Variants in F10 observed in about 807,000 individuals in gnomAD.
F10 encodes the protein Stuart-Prower factor.
Under a neutral mutation model 37.1 loss-of-function variants are expected in F10, and 29 were observed. The observed-to-expected ratio is 0.78, with a 90% confidence interval of 0.58 to 1.07. F10 has a LOEUF of 1.07. Among genes scored for constraint, F10 ranks in the 50% least tolerant of loss-of-function variants. The pLI is 0.00. For missense variants in F10, 539 were observed against 667.9 expected, an observed-to-expected ratio of 0.81 and a Z score of 2.13; for synonymous variants, 262 against 268.6, an observed-to-expected ratio of 0.98 and a Z score of 0.24.
At position 113,144,104 on chromosome 13, in the gene F10, A is replaced by G. The variant is rs751681805; in HGVS notation, c.747+9A>G. 3.5e-5 allele frequency: 56 copies of G among 1,613,546 alleles called. No individual in the cohort carries two copies. The South Asian group carries it at 5.4e-4, about 16-fold the overall frequency. On this transcript the variant is annotated intron_variant, in intron 6 of 7. Coordinates refer to ENST00000375559, the MANE Select transcript of F10 (RefSeq NM_000504.4). This position sits in a 1 kb window ranked among gnomAD's most constrained non-coding sequence, Gnocchi z 6.4. The stretch of plus-strand genomic sequence containing the variant: ...GGGAGTGTCCCTGGCAGGTAACAGT[A>G]GGATGTCCCCTCGGGCCTGCTGGAG...
At position 113,149,216 on chromosome 13, in the gene F10, G is replaced by C; in HGVS notation, c.1166G>C (p.Ser389Thr). Residue 389 changes from serine (S) to threonine (T), a missense_variant, in exon 8 of 8, where the codon AGC becomes ACC. Transcript: ENST00000375559. The surrounding 1 kb of genome is among the most constrained non-coding windows in gnomAD (Gnocchi z 7.5). The part of the protein sequence containing the change: ...MLEVPYVDRN[S>T]CKLSSSFIIT... ...GAGGTGCCCTACGTGGACCGCAACAGCTGCAAGCTGTCCAGCAGCTTCATC... is the reference window on the plus strand; with the variant it reads ...GAGGTGCCCTACGTGGACCGCAACACCTGCAAGCTGTCCAGCAGCTTCATC... 1 of 1,613,062 alleles carries C rather than the reference G, an allele frequency of 6.2e-7. No homozygotes were observed. Among genetic ancestry groups the C allele is most frequent in the Non-Finnish European group, 8.5e-7 (1 of 1,180,002 alleles).
At chr13:113,148,423 AAT>A (rs1394943315) in intron 7 of F10, among the ~76,000 whole-genome samples, 1 of 148,890 alleles carries the variant, frequency 6.7e-6, no homozygotes, top group African/African-American at 2.5e-5. Context: ...CAATTTCCAT[AAT>A]ATATCTTATT....
intron 1 of F10, among the ~76,000 whole-genome samples, chr13:113,125,886 G>T (rs931994820): frequency 7.9e-5 from 12 of 152,198 alleles, no homozygotes; most frequent in African/African-American, 2.9e-4. Context: ...GAGGGGTTGG[G>T]TGCTAGAAGA....
In F10 at chr13:113,140,439, A is replaced by C. The variant is rs1219895647; in HGVS notation, c.371-480A>C. ...GATTACTTTTGAGTTTTCCCTGATG[A>C]GAATATCAATTACGCATCATTCCAT... On this transcript the variant is annotated intron_variant, in intron 4 of 7. Coordinates refer to ENST00000375559, the MANE Select transcript of F10 (RefSeq NM_000504.4). 28 of 452,698 alleles carry C rather than the reference A, an allele frequency of 6.2e-5. No individual in the cohort carries two copies. In the Admixed American group the frequency reaches 6.7e-4, roughly 11 times the overall value. The allele number at this position is 452,698 out of a possible 1,614,324, so 28.0% of individuals were successfully genotyped here.
chr13:113,149,061 C>T lies in F10; in HGVS notation c.1011C>T (p.Asn337=), dbSNP rs763538411. Reference sequence around the variant, plus strand: ...AGACCCCCATCACCTTCCGCATGAACGTGGCGCCTGCCTGCCTCCCCGAGC... The same window carrying T: ...AGACCCCCATCACCTTCCGCATGAATGTGGCGCCTGCCTGCCTCCCCGAGC... ...RLKTPITFRM[N]VAPACLPERD... The change falls in exon 8 of 8, where the codon AAC becomes AAT. Residue 337 remains asparagine (N), a synonymous_variant. Transcript: ENST00000375559. The surrounding 1 kb of genome is among the most constrained non-coding windows in gnomAD (Gnocchi z 7.5). 19 of 1,613,256 alleles carry T rather than the reference C, an allele frequency of 1.2e-5. No homozygotes were observed. The highest frequency in any genetic ancestry group is 2.7e-5 in the African/African-American group (2 of 74,920).
intron 1 of F10, among the ~76,000 whole-genome samples, chr13:113,125,245 T>G (rs776053375): frequency 1.3e-5 from 2 of 152,210 alleles, no homozygotes; most frequent in Non-Finnish European, 2.9e-5. Flanking sequence ...GTGCCAGCCT[T>G]TAAACTACTG....
chr13:113,139,246 G>A lies in F10; in HGVS notation c.257-111G>A. 2 of 825,144 alleles carry A rather than the reference G, an allele frequency of 2.4e-6. No individual in the cohort carries two copies. Among genetic ancestry groups the A allele is most frequent in the African/African-American group, 1.7e-5 (1 of 59,160 alleles). The allele number at this position is 825,144 out of a possible 1,614,324, so 51.1% of individuals were successfully genotyped here. A position where few individuals can be genotyped will look rare whatever the true frequency, so the allele number is the denominator to read the frequency against. Reference sequence around the variant, plus strand: ...GGGGGAGTTGTTTACAGAGAAACCGGAAGACTCTTCCAGTTATCTGAACGG... The same window carrying A: ...GGGGGAGTTGTTTACAGAGAAACCGAAAGACTCTTCCAGTTATCTGAACGG... On this transcript the variant is annotated intron_variant, in intron 3 of 7. Transcript: ENST00000375559. This position sits in a 1 kb window ranked among gnomAD's most constrained non-coding sequence, Gnocchi z 5.2.
In F10 at chr13:113,139,612, T is replaced by C; in HGVS notation, c.370+142T>C. 2.8e-6 allele frequency: 2 copies of C among 721,760 alleles called. No homozygotes were observed. The highest frequency in any genetic ancestry group is 4.9e-6 in the Non-Finnish European group (2 of 410,182). 44.7% of individuals were successfully genotyped at this position (721,760 alleles called of 1,614,324 possible). A position where few individuals can be genotyped will look rare whatever the true frequency, so the allele number is the denominator to read the frequency against. On this transcript the variant is annotated intron_variant, in intron 4 of 7. Coordinates refer to ENST00000375559, the MANE Select transcript of F10 (RefSeq NM_000504.4). The surrounding 1 kb of genome is among the most constrained non-coding windows in gnomAD (Gnocchi z 5.2). ...AGTCTGGGCTCTATTATACCTATTA[T>C]ACTGTGCCACTATAGCAATAGAAAA...
At chr13:113,147,531 G>C in intron 7 of F10, 35 bp downstream of exon 7, 1 of 1,239,446 alleles carries the variant, frequency 8.1e-7, no homozygotes, top group Non-Finnish European at 1.2e-6. Flanking sequence ...CCGTGGTGAG[G>C]GGCACCGTCA....
chr13:113,128,299 C>T (rs1192381119), intron 1 of F10: 1 of 152,118 alleles, frequency 6.6e-6, no homozygotes, highest in African/African-American at 2.4e-5. Context: ...CATACAGACA[C>T]CAATCAATAA....
Position 113,139,432 on chromosome 13 carries a change from C to T in F10, c.332C>T (p.Thr111Ile). 2 of 1,613,936 alleles carry T rather than the reference C, an allele frequency of 1.2e-6. No homozygotes were observed. The highest frequency in any genetic ancestry group is 1.7e-6 in the Non-Finnish European group (2 of 1,179,870). The change falls in exon 4 of 8, where the codon ACC (threonine) becomes ATC (isoleucine). Residue 111 changes from threonine to isoleucine, a missense_variant. Thr to Ile is a moderately conservative substitution (Grantham distance 89, BLOSUM62 -1). Around this residue, in one of 2 missense-constraint regions of F10, gnomAD observed 409 missense variants for 547.9 expected, o/e 0.75. Coordinates refer to ENST00000375559, the MANE Select transcript of F10 (RefSeq NM_000504.4). This position sits in a 1 kb window ranked among gnomAD's most constrained non-coding sequence, Gnocchi z 5.2. ...GACGGCCTCGGGGAATACACCTGCA[C>T]CTGTTTAGAAGGATTCGAAGGCAAA... Reference protein sequence around the residue: ...CKDGLGEYTCTCLEGFEGKNC... With the variant: ...CKDGLGEYTCICLEGFEGKNC...
intron 1 of F10, among the ~76,000 whole-genome samples, chr13:113,127,934 G>T (rs2036385787): frequency 6.6e-6 from 1 of 152,198 alleles, no homozygotes; most frequent in African/African-American, 2.4e-5. Context: ...AAGGAAGGGG[G>T]CTTGGGTGGC....
intron 2 of F10, chr13:113,129,885 T>C: frequency 2.0e-6 from 1 of 494,424 alleles, no homozygotes; most frequent in East Asian, 3.8e-5. Context: ...CTGCCAGAGT[T>C]AAGTTCTATT....
At chr13:113,135,135 C>T (rs746114839) in intron 2 of F10, among the ~76,000 whole-genome samples, 8 of 151,488 alleles carry the variant, frequency 5.3e-5, no homozygotes, top group South Asian at 2.1e-4. Context: ...CCCAGCTACT[C>T]GGGAGGCTGA....
intron 2 of F10, among the ~76,000 whole-genome samples, chr13:113,138,206 A>G (rs2036496737): frequency 6.6e-6 from 1 of 152,238 alleles, no homozygotes; most frequent in African/African-American, 2.4e-5. Context: ...CTAGGTAATT[A>G]ACTTGAAAAT....
At chr13:113,142,942 AAAAAGTTC>A (rs935965419) in intron 5 of F10, among the ~76,000 whole-genome samples, 5 of 152,312 alleles carry the variant, frequency 3.3e-5, no homozygotes, top group African/African-American at 9.6e-5. Flanking sequence ...CAAAAAAAAA[AAAAAGTTC>A]AGTTCCAAAT....
chr13:113,143,700 C>CTA lies in F10; in HGVS notation c.503-151_503-150insTA. 8.7e-7 allele frequency: 1 copy of CTA among 1,143,906 alleles called. No individual in the cohort carries two copies. The allele number at this position is 1,143,906 out of a possible 1,614,324, so 70.9% of individuals were successfully genotyped here. ...CTGCAGATCCGACCCCTGCCGACGACGTGGGGCCTCGCCCTGCAAGCCCGC... is the reference window on the plus strand; with the variant it reads ...CTGCAGATCCGACCCCTGCCGACGACTAGTGGGGCCTCGCCCTGCAAGCCCGC... On this transcript the variant is annotated intron_variant, in intron 5 of 7. Transcript: ENST00000375559. This position sits in a 1 kb window ranked among gnomAD's most constrained non-coding sequence, Gnocchi z 6.8.
intron 4 of F10, chr13:113,140,659 G>T: frequency 3.0e-6 from 2 of 665,350 alleles, no homozygotes; most frequent in South Asian, 1.5e-5. Context: ...TGGGGCAGGG[G>T]GTACCGGCCA....
chr13:113,146,883 G>C lies in F10; in HGVS notation c.748-496G>C, dbSNP rs2036587317. ...GTGTTCCAAGTCCTGGCAGGTAGGAGACCCTTCACAGGAGCTGCCACAGGG... is the reference window on the plus strand; with the variant it reads ...GTGTTCCAAGTCCTGGCAGGTAGGACACCCTTCACAGGAGCTGCCACAGGG... On this transcript the variant is annotated intron_variant, in intron 6 of 7. Coordinates refer to ENST00000375559, the MANE Select transcript of F10 (RefSeq NM_000504.4). The surrounding 1 kb of genome is among the most constrained non-coding windows in gnomAD (Gnocchi z 4.5). Among the ~76,000 whole-genome samples, 1 of 152,176 alleles carries C rather than the reference G, an allele frequency of 6.6e-6. No individual in the cohort carries two copies. The highest frequency in any genetic ancestry group is 6.5e-5 in the Admixed American group (1 of 15,284).
Sources: gnomAD v4.1 joint callset for allele counts (sites outside exome capture counted in the v4.1 genomes callset) on GRCh38, gnomAD v4.1.1 for gene constraint, gnomAD v4.1.1 regional missense constraint, Gnocchi (gnomAD v3.1) non-coding constraint, MANE v1.5 for transcripts, NCBI Gene and HGNC (gene_info 2026-07-23, HGNC 2026-07-21) for gene names.